MAPRE2: variants seen among roughly 807,000 people sequenced by gnomAD.
The protein encoded by MAPRE2 is microtubule associated protein RP/EB family member 2, also known as microtubule-associated protein RP/EB family member 2.
A neutral mutation model predicts 43.2 loss-of-function variants in MAPRE2; 13 were observed. The ratio of observed to expected loss-of-function variants is 0.30; its 90% CI spans 0.20 to 0.48. MAPRE2 has a LOEUF of 0.48. Among genes scored for constraint, MAPRE2 ranks in the 20% least tolerant of loss-of-function variants. The pLI is 0.99. For synonymous variants in MAPRE2, 135 were observed against 148.8 expected (o/e 0.91, Z 0.68); for missense variants, 161 against 400.2 (o/e 0.40, Z 5.10).
chr18:35,011,027 T>C (rs1001156567), intron 2 of MAPRE2, among the ~76,000 whole-genome samples: 1 of 152,182 alleles, frequency 6.6e-6, no homozygotes. Flanking sequence ...GCTTCTACCA[T>C]GGCTCCATCA....
chr18:35,012,282 A>C (rs1386194895), intron 2 of MAPRE2, among the ~76,000 whole-genome samples: 1 of 152,196 alleles, frequency 6.6e-6, no homozygotes, highest in African/African-American at 2.4e-5. Flanking sequence ...CTCTGGAAGA[A>C]AAAGAAATGA....
upstream of MAPRE2, among the ~76,000 whole-genome samples, chr18:35,038,266 T>G (rs1357146079): frequency 6.6e-6 from 1 of 152,170 alleles, no homozygotes; most frequent in Non-Finnish European, 1.5e-5. Flanking sequence ...ATTATCCCCT[T>G]ACAGGACGGA....
intron 1 of MAPRE2, among the ~76,000 whole-genome samples, chr18:34,985,572 A>C (rs1280425828): frequency 3.6e-5 from 3 of 83,682 alleles, no homozygotes; most frequent in Non-Finnish European, 6.3e-5. Flanking sequence ...TAAATATAAT[A>C]TATAAACTAT....
intron 1 of MAPRE2, among the ~76,000 whole-genome samples, chr18:34,983,208 G>C (rs505020): frequency 0.25 from 38,682 of 151,970 alleles, 4,966 homozygotes; most frequent in African/African-American, 0.26. Flanking sequence ...ACCAACCATA[G>C]GTCAACTAAT....
chr18:35,117,373 C>CG (rs1280542147), intron 4 of MAPRE2, among the ~76,000 whole-genome samples: 4 of 152,122 alleles, frequency 2.6e-5, no homozygotes, highest in African/African-American at 9.7e-5. Flanking sequence ...TGGCCACCAT[C>CG]GGAAAAACAA....
At chr18:35,089,336 G>T (rs1035372849) in intron 2 of MAPRE2, among the ~76,000 whole-genome samples, 2 of 151,992 alleles carry the variant, frequency 1.3e-5, no homozygotes, top group African/African-American at 4.8e-5. Flanking sequence ...AAACATTTTT[G>T]CTTCAAATGA....
chr18:35,019,659 C>T (rs1603390728), intron 2 of MAPRE2, among the ~76,000 whole-genome samples: 2 of 152,122 alleles, frequency 1.3e-5, no homozygotes, highest in East Asian at 3.9e-4. Flanking sequence ...GTCAAATAGT[C>T]TGTAGAGTTG....
chr18:35,090,320 T>G (rs1908084883), intron 2 of MAPRE2, among the ~76,000 whole-genome samples: 1 of 152,190 alleles, frequency 6.6e-6, no homozygotes, highest in Admixed American at 6.5e-5. Context: ...TTTACTAGGA[T>G]AAGATCTGGA....
chr18:35,123,332 G>A (rs2144229158), intron 4 of MAPRE2, among the ~76,000 whole-genome samples: 1 of 152,270 alleles, frequency 6.6e-6, no homozygotes, highest in Admixed American at 6.5e-5. Flanking sequence ...GATAAGGCCA[G>A]ATACCAGAAC....
chr18:35,084,134 TGTG>T (rs778274169), intron 2 of MAPRE2, among the ~76,000 whole-genome samples: 2 of 152,092 alleles, frequency 1.3e-5, no homozygotes, highest in Non-Finnish European at 2.9e-5. Context: ...ATTAGTCCGG[TGTG>T]GTGGCACACA....
chr18:34,993,388 C>T (rs1240613158), intron 1 of MAPRE2, among the ~76,000 whole-genome samples: 1 of 151,802 alleles, frequency 6.6e-6, no homozygotes. Context: ...CAGGCATGAG[C>T]CATTGTGCCT....
At chr18:35,043,130 A>T (rs1905450167) in intron 1 of MAPRE2, among the ~76,000 whole-genome samples, 1 of 152,170 alleles carries the variant, frequency 6.6e-6, no homozygotes. Flanking sequence ...ACTTCTGGAG[A>T]TATCCTTTCA....
chr18:35,100,117 ACACT>A (rs1439943350), intron 3 of MAPRE2, among the ~76,000 whole-genome samples: 2 of 152,164 alleles, frequency 1.3e-5, no homozygotes, highest in African/African-American at 4.8e-5. Context: ...ACACATTCAC[ACACT>A]CACACACACA....
At chr18:35,028,369 C>T (rs2097046309) in intron 2 of MAPRE2, among the ~76,000 whole-genome samples, 1 of 152,238 alleles carries the variant, frequency 6.6e-6, no homozygotes, top group Non-Finnish European at 1.5e-5. Context: ...CTTGTAAGCA[C>T]TTGGATTCAA....
intron 6 of MAPRE2, among the ~76,000 whole-genome samples, chr18:35,132,426 G>C (rs546508096): frequency 6.6e-6 from 1 of 152,244 alleles, no homozygotes; most frequent in Admixed American, 6.5e-5. Context: ...GGTGGGGAAG[G>C]CTTTGACAGA....
chr18:34,981,251 G>A (rs1489796962), intron 1 of MAPRE2, among the ~76,000 whole-genome samples: 1 of 152,056 alleles, frequency 6.6e-6, no homozygotes. Flanking sequence ...GCACACACCT[G>A]TAGTCCCAGC....
intron 2 of MAPRE2, among the ~76,000 whole-genome samples, chr18:35,078,420 T>C (rs1907473866): frequency 6.6e-6 from 1 of 152,226 alleles, no homozygotes; most frequent in South Asian, 2.1e-4. Context: ...TCATAATGCC[T>C]CAGCTTTTAT....
intron 4 of MAPRE2, among the ~76,000 whole-genome samples, chr18:35,122,074 C>CTT (rs1569011879): frequency 6.6e-6 from 1 of 152,066 alleles, no homozygotes; most frequent in Non-Finnish European, 1.5e-5. Context: ...GTTCTTAACT[C>CTT]TAAAGAGTTA....
At chr18:35,039,081 T>G (rs1371752541), upstream of MAPRE2, among the ~76,000 whole-genome samples, 2 of 152,246 alleles carry the variant, frequency 1.3e-5, no homozygotes, top group Non-Finnish European at 2.9e-5. Flanking sequence ...CTGACAAATT[T>G]AGTCCCCACA....
Sources: gnomAD v4.1 joint callset for allele counts (sites outside exome capture counted in the v4.1 genomes callset) on GRCh38, gnomAD v4.1.1 for gene constraint, MANE v1.5 for transcripts, NCBI Gene and HGNC (gene_info 2026-07-23, HGNC 2026-07-21) for gene names.